The following DDR2 variants were observed in gnomAD, a reference collection of about 807,000 sequenced individuals.
DDR2 encodes discoidin domain-containing receptor 2.
Under a neutral mutation model 94.9 loss-of-function variants are expected in DDR2, and 27 were observed. The observed-to-expected ratio is 0.28, with a 90% CI of 0.21 to 0.39. The LOEUF (loss-of-function observed/expected upper bound fraction) is 0.39, where lower values mean the gene tolerates loss of function less well. Ranked by LOEUF, DDR2 falls within the 10% of genes least tolerant of loss-of-function variation. DDR2 has a pLI of 1.00. For missense variants in DDR2, 783 were observed against 1,076.0 expected (o/e 0.73, Z 3.81); for synonymous variants, 382 against 377.2 (o/e 1.01, Z -0.15).
chr1:162,768,041 T>C (rs1198939729), intron 11 of DDR2, among the ~76,000 whole-genome samples: 1 of 152,222 alleles, frequency 6.6e-6, no homozygotes, highest in Non-Finnish European at 1.5e-5. Context: ...ATACACCTCA[T>C]TGAGTAATAA....
intron 4 of DDR2, 82 bp from the exon 5 acceptor site, chr1:162,754,542 G>C: frequency 7.1e-7 from 1 of 1,400,394 alleles, no homozygotes; most frequent in Non-Finnish European, 1.0e-6. Context: ...CCTCAGTACA[G>C]GGCAGCTGCT....
intron 2 of DDR2, among the ~76,000 whole-genome samples, chr1:162,717,276 T>C (rs1015417930): frequency 2.6e-5 from 4 of 152,168 alleles, no homozygotes; most frequent in Non-Finnish European, 5.9e-5. Context: ...CCTCAGGTGA[T>C]CCACCCGCCT....
chr1:162,763,336 CTTTTTTTTTTTTTTT>C (rs56323242), intron 9 of DDR2, among the ~76,000 whole-genome samples: 25 of 56,544 alleles, frequency 4.4e-4, no homozygotes, highest in Non-Finnish European at 5.8e-4. Context: ...CCACGCCCGG[CTTTTTTTTTTTTTTT>C]TTTTTTTTTT....
At chr1:162,692,610 A>G (rs1035673595) in intron 2 of DDR2, among the ~76,000 whole-genome samples, 3 of 152,248 alleles carry the variant, frequency 2.0e-5, no homozygotes, top group African/African-American at 7.2e-5. Flanking sequence ...CATACCCACT[A>G]AAGTGGCTGA....
chr1:162,662,507 G>A (rs1447233070), intron 2 of DDR2, among the ~76,000 whole-genome samples: 3 of 152,072 alleles, frequency 2.0e-5, no homozygotes, highest in African/African-American at 7.2e-5. Context: ...TTTGCAGTCT[G>A]TCTCTCTCTC....
In DDR2 at chr1:162,646,302, C is replaced by T. The variant is rs536110747; in HGVS notation, c.-191-8909C>T. 5.3e-5 allele frequency among the ~76,000 whole-genome samples: 8 copies of T among 152,302 alleles called. No individual in the cohort carries two copies. The South Asian group carries it at 8.3e-4, about 16-fold the overall frequency. On this transcript the variant is annotated intron_variant, in intron 1 of 17. Coordinates refer to ENST00000367921, the MANE Select transcript of DDR2 (RefSeq NM_006182.4). Reference sequence around the variant, plus strand: ...GCTTTAAAATTAAATTTGGGCTCCACGGTTCTCAGGAAAACTTTTCTCATT... The same window carrying T: ...GCTTTAAAATTAAATTTGGGCTCCATGGTTCTCAGGAAAACTTTTCTCATT...
chr1:162,683,189 A>G (rs1276434810), intron 2 of DDR2, among the ~76,000 whole-genome samples: 4 of 152,172 alleles, frequency 2.6e-5, no homozygotes, highest in African/African-American at 9.6e-5. Flanking sequence ...GGAATAGAAT[A>G]ATTACCTCAA....
At chr1:162,647,757 T>C (rs1403823080) in intron 1 of DDR2, among the ~76,000 whole-genome samples, 1 of 152,196 alleles carries the variant, frequency 6.6e-6, no homozygotes. Flanking sequence ...GTTAATGCAT[T>C]ATAATTAGCG....
intron 2 of DDR2, among the ~76,000 whole-genome samples, chr1:162,663,295 A>G (rs1658397111): frequency 6.6e-6 from 1 of 152,198 alleles, no homozygotes; most frequent in Non-Finnish European, 1.5e-5. Flanking sequence ...TTCACTTTTC[A>G]TGTGTCTGTT....
chr1:162,744,882 G>A (rs1662775578), intron 3 of DDR2, among the ~76,000 whole-genome samples: 1 of 152,172 alleles, frequency 6.6e-6, no homozygotes, highest in East Asian at 1.9e-4. Context: ...TGGGACTGCT[G>A]GAGCATATGG....
chr1:162,635,574 C>T (rs1656775586), intron 1 of DDR2, among the ~76,000 whole-genome samples: 1 of 152,218 alleles, frequency 6.6e-6, no homozygotes, highest in African/African-American at 2.4e-5. Flanking sequence ...CTTTATACCT[C>T]TTGCCCTGTT....
chr1:162,779,256 G>C (rs1005395988), intron 17 of DDR2, among the ~76,000 whole-genome samples: 1 of 152,126 alleles, frequency 6.6e-6, no homozygotes, highest in African/African-American at 2.4e-5. Context: ...CTCAGGGAAA[G>C]ATGAGTTCCC....
At chr1:162,649,028 C>T (rs1316642158) in intron 1 of DDR2, among the ~76,000 whole-genome samples, 2 of 152,064 alleles carry the variant, frequency 1.3e-5, no homozygotes, top group Non-Finnish European at 2.9e-5. Flanking sequence ...GGACCACTCA[C>T]TAGTGACATT....
intron 3 of DDR2, among the ~76,000 whole-genome samples, chr1:162,747,583 A>G (rs1012714121): frequency 3.3e-5 from 5 of 151,980 alleles, no homozygotes; most frequent in Non-Finnish European, 7.4e-5. Flanking sequence ...TCTTCAGGGT[A>G]TTATCCAGGA....
intron 1 of DDR2, among the ~76,000 whole-genome samples, chr1:162,647,109 A>G (rs1657449884): frequency 6.6e-6 from 1 of 152,194 alleles, no homozygotes; most frequent in Admixed American, 6.5e-5. Flanking sequence ...ATCACTTAAT[A>G]TACTCGGTCT....
intron 1 of DDR2, among the ~76,000 whole-genome samples, chr1:162,639,242 C>T (rs770041841): frequency 6.6e-6 from 1 of 152,142 alleles, no homozygotes; most frequent in Non-Finnish European, 1.5e-5. Flanking sequence ...TCAAGGCTTA[C>T]TGTAAAGCTC....
chr1:162,767,065 A>AAAAT (rs879371359), intron 10 of DDR2, among the ~76,000 whole-genome samples, 164 bp from the exon 11 acceptor site: 10 of 151,636 alleles, frequency 6.6e-5, no homozygotes, highest in Non-Finnish European at 1.5e-4. Context: ...TAGCAAGAAA[A>AAAAT]CAAAACAGTA....
chr1:162,733,319 G>A (rs1429352082), intron 3 of DDR2, among the ~76,000 whole-genome samples: 1 of 152,198 alleles, frequency 6.6e-6, no homozygotes, highest in Non-Finnish European at 1.5e-5. Flanking sequence ...TCCACAGAAG[G>A]AGTTTACCCA....
intron 2 of DDR2, among the ~76,000 whole-genome samples, chr1:162,675,071 T>C (rs1317321667): frequency 6.6e-6 from 1 of 151,866 alleles, no homozygotes; most frequent in Non-Finnish European, 1.5e-5. Flanking sequence ...GGCAGGAGAA[T>C]GCTTGGACTC....
Sources: gnomAD v4.1 joint callset for allele counts (sites outside exome capture counted in the v4.1 genomes callset) on GRCh38, gnomAD v4.1.1 for gene constraint, MANE v1.5 for transcripts, NCBI Gene and HGNC (gene_info 2026-07-23, HGNC 2026-07-21) for gene names.